ATP11A: variants seen among roughly 807,000 people sequenced by gnomAD.
The protein encoded by ATP11A is phospholipid-transporting ATPase IH.
A neutral mutation model predicts 154.4 loss-of-function variants in ATP11A; 81 were observed. The ratio of observed to expected loss-of-function variants is 0.52; its 90% CI spans 0.44 to 0.63. ATP11A has a LOEUF of 0.63. Ranked by LOEUF, ATP11A falls within the 30% of genes least tolerant of loss-of-function variation. The pLI, the probability that ATP11A is intolerant of heterozygous loss-of-function variation, is 0.00. For missense variants in ATP11A, 1,316 were observed against 1,474.3 expected, an observed-to-expected ratio of 0.89 and a Z score of 1.76; for synonymous variants, 623 against 585.9, an observed-to-expected ratio of 1.06 and a Z score of -0.91.
At chr13:112,880,910 C>G in intron 29 of ATP11A, 3 of 994,938 alleles carry the variant, frequency 3.0e-6, no homozygotes, top group Non-Finnish European at 3.6e-6. Flanking sequence ...CCAGACCCAG[C>G]ATCGTCAGAC....
intron 16 of ATP11A, among the ~76,000 whole-genome samples, chr13:112,839,280 C>T (rs1408601534): frequency 6.6e-6 from 1 of 151,998 alleles, no homozygotes; most frequent in East Asian, 1.9e-4. Flanking sequence ...AAGGAGAGTA[C>T]ATAAGCATAT....
At position 112,696,518 on chromosome 13, in the gene ATP11A, C is replaced by T. The variant is rs1045734062; in HGVS notation, c.39+6063C>T. Among the ~76,000 whole-genome samples the T allele has an allele frequency of 2.6e-5, 4 of 152,150 alleles. No individual in the cohort carries two copies. Among genetic ancestry groups the T allele is most frequent in the African/African-American group, 9.7e-5 (4 of 41,438 alleles). On this transcript the variant is annotated intron_variant, in intron 1 of 29. Transcript: ENST00000375645. The surrounding 1 kb of genome is among the most constrained non-coding windows in gnomAD (Gnocchi z 6.2). ...CGTCTCTCTCCCTCTCTGAGTGACA[C>T]TGTCTGCCCTGCTGCTTGCCGTCCC... is the stretch of plus-strand genomic sequence containing the variant.
chr13:112,805,163 A>G (rs1451275187), intron 3 of ATP11A, 117 bp downstream of exon 3: 8 of 655,904 alleles, frequency 1.2e-5, no homozygotes, highest in Non-Finnish European at 1.5e-5. Context: ...CCCCTCACCT[A>G]TGATTAATTT....
chr13:112,821,086 C>G (rs1001566698), intron 8 of ATP11A, among the ~76,000 whole-genome samples: 1 of 152,128 alleles, frequency 6.6e-6, no homozygotes, highest in African/African-American at 2.4e-5. Context: ...GTAAATTCCT[C>G]CTTACTTTGG....
At chr13:112,761,266 G>C (rs1226447537) in intron 1 of ATP11A, among the ~76,000 whole-genome samples, 1 of 152,176 alleles carries the variant, frequency 6.6e-6, no homozygotes, top group Non-Finnish European at 1.5e-5. Flanking sequence ...AAGCCAGAAG[G>C]TGCTCCTTTA....
chr13:112,827,740 C>T (rs1036255076), intron 12 of ATP11A, among the ~76,000 whole-genome samples: 4 of 152,222 alleles, frequency 2.6e-5, no homozygotes, highest in Non-Finnish European at 4.4e-5. Context: ...ATCTCCATCT[C>T]GCTCCCAGAT....
At chr13:112,862,918 C>A (rs1594210692) in intron 25 of ATP11A, among the ~76,000 whole-genome samples, 1 of 147,024 alleles carries the variant, frequency 6.8e-6, no homozygotes, top group Non-Finnish European at 1.5e-5. Flanking sequence ...TCCATCACCA[C>A]CTGCGCAGTA....
intron 3 of ATP11A, among the ~76,000 whole-genome samples, chr13:112,805,518 A>T (rs12427556): frequency 0.27 from 41,160 of 151,866 alleles, 5,803 homozygotes; most frequent in Admixed American, 0.31. Flanking sequence ...TCTACTAAAA[A>T]TACAAAAATT....
Position 112,826,864 on chromosome 13 carries a change from G to A in ATP11A, c.1194G>A (p.Thr398=), listed in dbSNP as rs777379124. The change falls in exon 12 of 30, where the codon ACG becomes ACA. Residue 398 remains threonine, a synonymous_variant. Coordinates refer to ENST00000375645, the MANE Select transcript of ATP11A (RefSeq NM_015205.3). Reference sequence around the variant, plus strand: ...CTGGCGAGGGGCCTCTGGTGAACACGTCGGACCTCAATGAAGAGCTGGGAC... The same window carrying A: ...CTGGCGAGGGGCCTCTGGTGAACACATCGGACCTCAATGAAGAGCTGGGAC... ...EETGEGPLVN[T]SDLNEELGQV... 18 of 1,614,180 alleles carry A rather than the reference G, an allele frequency of 1.1e-5. No individual in the cohort carries two copies. The highest frequency in any genetic ancestry group is 8.9e-5 in the East Asian group (4 of 44,868).
intron 19 of ATP11A, 70 bp downstream of exon 19, chr13:112,854,600 C>A: frequency 6.5e-7 from 1 of 1,527,002 alleles, no homozygotes; most frequent in Non-Finnish European, 8.8e-7. Context: ...TGGCCTTCAC[C>A]TGCAAGTCGG....
At chr13:112,736,445 C>T (rs1234025245) in intron 1 of ATP11A, among the ~76,000 whole-genome samples, 1 of 152,168 alleles carries the variant, frequency 6.6e-6, no homozygotes, top group East Asian at 1.9e-4. Flanking sequence ...CCTGCGGTAG[C>T]ATCTCAGCAA....
intron 1 of ATP11A, among the ~76,000 whole-genome samples, chr13:112,726,239 G>GA (rs1354785369): frequency 6.6e-6 from 1 of 152,150 alleles, no homozygotes; most frequent in Non-Finnish European, 1.5e-5. Context: ...AGGAGCCAGG[G>GA]AGGAAGCACG....
Position 112,832,901 on chromosome 13 carries a change from C to T in ATP11A, c.1437C>T (p.His479=), listed in dbSNP as rs893316748. ...ELFFRALCLC[H]TVQVKDDDSV... is the part of the protein sequence containing the mutation. ...TTTTCCGGGCCCTCTGTCTCTGCCA[C>T]ACCGTCCAGGTGAAAGACGATGACA... Residue 479 remains histidine, a synonymous_variant, in exon 14 of 30, where the codon CAC becomes CAT. Transcript: ENST00000375645. 2.5e-6 allele frequency: 4 copies of T among 1,614,144 alleles called. No homozygotes were observed. In the Admixed American group the frequency reaches 6.7e-5, roughly 27 times the overall value.
chr13:112,874,126 C>T (rs746142049), intron 27 of ATP11A, among the ~76,000 whole-genome samples: 1 of 152,250 alleles, frequency 6.6e-6, no homozygotes, highest in Non-Finnish European at 1.5e-5. Flanking sequence ...CCTCACGCCC[C>T]GCAGCAAGAT....
At chr13:112,784,953 G>A (rs971469741) in intron 1 of ATP11A, among the ~76,000 whole-genome samples, 182 bp from the exon 2 acceptor site, 2 of 152,238 alleles carry the variant, frequency 1.3e-5, no homozygotes, top group East Asian at 1.9e-4. Flanking sequence ...TGAGGGCTGC[G>A]TAAGACAGGG....
At chr13:112,852,979 G>C (rs926333404) in intron 18 of ATP11A, among the ~76,000 whole-genome samples, 1 of 152,174 alleles carries the variant, frequency 6.6e-6, no homozygotes, top group Admixed American at 6.5e-5. Flanking sequence ...CTCGCAATTT[G>C]GGAGGCTGAT....
chr13:112,752,797 A>G (rs1238274641), intron 1 of ATP11A, among the ~76,000 whole-genome samples: 2 of 152,212 alleles, frequency 1.3e-5, no homozygotes, highest in Admixed American at 6.5e-5. Flanking sequence ...CCATCCTACA[A>G]TTGCTAAAGA....
intron 5 of ATP11A, among the ~76,000 whole-genome samples, chr13:112,812,564 C>T (rs542917964): frequency 2.6e-4 from 39 of 152,238 alleles, no homozygotes; most frequent in Admixed American, 9.2e-4. Flanking sequence ...GGCCGCAGCC[C>T]TTCCCTGTCC....
intron 9 of ATP11A, among the ~76,000 whole-genome samples, chr13:112,823,992 T>C (rs1455095651): frequency 6.6e-6 from 1 of 152,242 alleles, no homozygotes; most frequent in Non-Finnish European, 1.5e-5. Context: ...GTTTTTATCG[T>C]CTGTATTTTG....
Sources: allele counts gnomAD v4.1 joint callset (sites outside exome capture counted in the v4.1 genomes callset), GRCh38; gene constraint gnomAD v4.1.1; non-coding constraint Gnocchi (gnomAD v3.1); transcripts MANE v1.5; gene names NCBI Gene and HGNC (gene_info 2026-07-23, HGNC 2026-07-21).